Variants in MAP4K5 observed in about 807,000 individuals in gnomAD.
MAP4K5 encodes the protein MAPK/ERK kinase kinase kinase 5.
MAP4K5 carries 82 observed loss-of-function variants against 135.6 expected under a neutral mutation model. That is an observed-to-expected ratio of 0.60 (90% confidence interval 0.51 to 0.73). The LOEUF (loss-of-function observed/expected upper bound fraction) is 0.73, where lower values mean the gene tolerates loss of function less well. MAP4K5 is among the 30% of genes least tolerant of loss of function. The probability of loss-of-function intolerance (pLI) is 0.00; values close to 1 mark genes in which losing one functional copy is unlikely to be tolerated. For missense variants in MAP4K5, 907 were observed against 1,010.9 expected (o/e 0.90, Z 1.39); for synonymous variants, 347 against 335.0 (o/e 1.04, Z -0.39).
At chr14:50,529,634 C>T (rs1360762174) in intron 2 of MAP4K5, among the ~76,000 whole-genome samples, 1 of 142,612 alleles carries the variant, frequency 7.0e-6, no homozygotes, top group African/African-American at 2.5e-5. Context: ...AGATAATAAA[C>T]AAGAAAAAAA....
At chr14:50,462,120 T>C (rs1206727945) in intron 13 of MAP4K5, among the ~76,000 whole-genome samples, 2 of 152,210 alleles carry the variant, frequency 1.3e-5, no homozygotes, top group Non-Finnish European at 2.9e-5. Context: ...ACTACAAAAA[T>C]GCGCAGCTGG....
intron 31 of MAP4K5, among the ~76,000 whole-genome samples, chr14:50,423,534 T>C (rs2035779148): frequency 6.6e-6 from 1 of 152,042 alleles, no homozygotes; most frequent in Non-Finnish European, 1.5e-5. Flanking sequence ...GCAGAGCTCC[T>C]TTGGGGGCCA....
chr14:50,473,887 C>A (rs960670472), intron 9 of MAP4K5, among the ~76,000 whole-genome samples: 2 of 151,900 alleles, frequency 1.3e-5, no homozygotes, highest in Admixed American at 6.6e-5. Context: ...CGACGCCCGG[C>A]TAATTTTTTT....
At chr14:50,473,907 G>A (rs2037033787) in intron 9 of MAP4K5, among the ~76,000 whole-genome samples, 2 of 151,766 alleles carry the variant, frequency 1.3e-5, no homozygotes, top group Non-Finnish European at 2.9e-5. Flanking sequence ...TGTATTTTTA[G>A]TAGAGACGGG....
chr14:50,554,217 G>A (rs2038738361), intron 1 of MAP4K5, among the ~76,000 whole-genome samples: 1 of 151,776 alleles, frequency 6.6e-6, no homozygotes. Context: ...TAAATCATTT[G>A]TCAACTCAAA....
chr14:50,485,827 GT>G, intron 4 of MAP4K5, 185 bp from the exon 5 acceptor site: 1 of 557,080 alleles, frequency 1.8e-6, no homozygotes, highest in South Asian at 2.7e-5. Flanking sequence ...CCCATCTTCA[GT>G]GGTTTAGAAT....
At chr14:50,434,750 C>T (rs2036051849) in intron 27 of MAP4K5, among the ~76,000 whole-genome samples, 179 bp from the exon 28 acceptor site, 1 of 152,076 alleles carries the variant, frequency 6.6e-6, no homozygotes, top group South Asian at 2.1e-4. Context: ...AGATAATTAG[C>T]CATATTAATC....
At chr14:50,456,363 T>C in intron 14 of MAP4K5, 153 bp downstream of exon 14, 1 of 617,770 alleles carries the variant, frequency 1.6e-6, no homozygotes, top group East Asian at 3.0e-5. Flanking sequence ...GGGAATTCCA[T>C]CGAAACCAGA....
At chr14:50,490,985 AT>A (rs2037471528) in intron 3 of MAP4K5, among the ~76,000 whole-genome samples, 1 of 152,164 alleles carries the variant, frequency 6.6e-6, no homozygotes, top group Non-Finnish European at 1.5e-5. Context: ...TACTCTGGGG[AT>A]GAACTGGAGT....
intron 2 of MAP4K5, among the ~76,000 whole-genome samples, chr14:50,509,733 CA>C (rs2037891707): frequency 6.6e-6 from 1 of 151,616 alleles, no homozygotes; most frequent in African/African-American, 2.4e-5. Flanking sequence ...CATAATCTAG[CA>C]AACATAATAG....
intron 11 of MAP4K5, 45 bp downstream of exon 11, chr14:50,466,538 C>T: frequency 2.1e-6 from 2 of 974,594 alleles, no homozygotes; most frequent in Non-Finnish European, 3.2e-6. Context: ...ATCTATACTC[C>T]TTTCGATTGT....
chr14:50,557,783 C>T (rs1317790360), intron 1 of MAP4K5, among the ~76,000 whole-genome samples: 1 of 152,196 alleles, frequency 6.6e-6, no homozygotes, highest in Non-Finnish European at 1.5e-5. Flanking sequence ...GCAATGAGCA[C>T]AACTAGCACC....
chr14:50,554,185 G>A (rs2038738116), intron 1 of MAP4K5, among the ~76,000 whole-genome samples: 1 of 151,702 alleles, frequency 6.6e-6, no homozygotes, highest in Non-Finnish European at 1.5e-5. Context: ...GCCTGATGAA[G>A]AGAACAGTGT....
At chr14:50,519,769 A>C (rs1299733938) in intron 2 of MAP4K5, among the ~76,000 whole-genome samples, 1 of 152,202 alleles carries the variant, frequency 6.6e-6, no homozygotes, top group African/African-American at 2.4e-5. Context: ...AGGCAAGAAG[A>C]GAGAGACAAA....
chr14:50,519,415 G>A (rs995279760), intron 2 of MAP4K5, among the ~76,000 whole-genome samples: 1 of 152,092 alleles, frequency 6.6e-6, no homozygotes, highest in Non-Finnish European at 1.5e-5. Context: ...AGCACTTCGG[G>A]AGGTCAAGAA....
intron 20 of MAP4K5, 40 bp downstream of exon 20, chr14:50,443,689 A>C: frequency 2.6e-6 from 4 of 1,538,550 alleles, no homozygotes; most frequent in Non-Finnish European, 3.5e-6. Flanking sequence ...TTCTAAAGAG[A>C]GAAAAAACGG....
chr14:50,522,691 A>C (rs1313869894), intron 2 of MAP4K5, among the ~76,000 whole-genome samples: 1 of 152,200 alleles, frequency 6.6e-6, no homozygotes, highest in Non-Finnish European at 1.5e-5. Context: ...TCTCTCACTC[A>C]AATATGAAAA....
chr14:50,546,223 G>GGATT (rs569117037), intron 1 of MAP4K5, among the ~76,000 whole-genome samples: 6 of 152,268 alleles, frequency 3.9e-5, no homozygotes, highest in African/African-American at 9.6e-5. Flanking sequence ...AGCCTTCACT[G>GGATT]GATTACCTAT....
At chr14:50,443,645 G>A in intron 20 of MAP4K5, 84 bp downstream of exon 20, 1 of 1,117,874 alleles carries the variant, frequency 8.9e-7, no homozygotes, top group Non-Finnish European at 1.2e-6. Context: ...AACTTTCAAA[G>A]GCTCAAGTAT....
Sources: gnomAD v4.1 joint callset for allele counts (sites outside exome capture counted in the v4.1 genomes callset) on GRCh38, gnomAD v4.1.1 for gene constraint, MANE v1.5 for transcripts, NCBI Gene and HGNC (gene_info 2026-07-23, HGNC 2026-07-21) for gene names.